CASP6: variants seen among roughly 807,000 people sequenced by gnomAD.
CASP6 encodes the protein caspase-6.
CASP6 carries 20 observed loss-of-function variants against 31.8 expected under a neutral mutation model. That is an observed-to-expected ratio of 0.63 (90% CI 0.44 to 0.91). CASP6 has a LOEUF of 0.91. Ranked by LOEUF, CASP6 falls within the 40% of genes least tolerant of loss-of-function variation. CASP6 has a pLI of 0.00. For synonymous variants in CASP6, 130 were observed against 127.8 expected (o/e 1.02, Z -0.12); for missense variants, 328 against 361.1 (o/e 0.91, Z 0.74).
intron 6 of CASP6, among the ~76,000 whole-genome samples, chr4:109,690,618 A>G (rs1730019452): frequency 6.6e-6 from 1 of 152,198 alleles, no homozygotes; most frequent in South Asian, 2.1e-4. Context: ...AATATAATTA[A>G]TTAGACTGTT....
At chr4:109,694,768 AGT>A (rs1491543891) in intron 4 of CASP6, 68 bp from the exon 5 acceptor site, 1 of 1,373,790 alleles carries the variant, frequency 7.3e-7, no homozygotes, top group Admixed American at 2.7e-5. Flanking sequence ...ATAAAAATTC[AGT>A]TTATTAACAC....
intron 5 of CASP6, chr4:109,692,130 AAAAT>A (rs374950436): frequency 6.6e-6 from 1 of 152,356 alleles, no homozygotes; most frequent in African/African-American, 2.4e-5. Context: ...TTCAAATCAT[AAAAT>A]AAATAGAAAA....
At chr4:109,681,700 C>G in the CASP6 span, among the ~76,000 whole-genome samples, 2 of 152,334 alleles carry the variant, frequency 1.3e-5, no homozygotes, top group South Asian at 4.1e-4. Flanking sequence ...AGCCTTTAGC[C>G]CGATCTGGAG....
At chr4:109,691,891 G>A (rs1191803642) in intron 5 of CASP6, 1 of 152,156 alleles carries the variant, frequency 6.6e-6, no homozygotes, top group South Asian at 2.1e-4. Flanking sequence ...CAAAAAGGGA[G>A]GCCTCAGAAG....
intron 1 of CASP6, among the ~76,000 whole-genome samples, chr4:109,700,582 ATTT>A (rs201776441): frequency 6.7e-6 from 1 of 150,116 alleles, no homozygotes; most frequent in African/African-American, 2.4e-5. Flanking sequence ...TCAGTGAGGG[ATTT>A]TTTTTTTAAG....
chr4:109,706,117 C>T (rs1354684787), upstream of CASP6, among the ~76,000 whole-genome samples: 2 of 84,510 alleles, frequency 2.4e-5, no homozygotes, highest in African/African-American at 9.2e-5. Context: ...GGCAGGACAA[C>T]ATACCTATCC....
At chr4:109,673,218 C>G in the CASP6 span, among the ~76,000 whole-genome samples, 1 of 152,210 alleles carries the variant, frequency 6.6e-6, no homozygotes, top group Non-Finnish European at 1.5e-5. Flanking sequence ...AGGTCTTTCA[C>G]TTGCTGTTCT....
downstream of CASP6, chr4:109,685,276 G>C: frequency 6.6e-7 from 1 of 1,514,152 alleles, no homozygotes; most frequent in South Asian, 1.1e-5. Flanking sequence ...GCTGTTAAGA[G>C]TAGGCAATTT....
intron 5 of CASP6, among the ~76,000 whole-genome samples, chr4:109,693,316 A>G (rs1730133751): frequency 6.6e-6 from 1 of 151,952 alleles, no homozygotes; most frequent in Admixed American, 6.6e-5. Context: ...AGACTAACAT[A>G]ATGTTATTTC....
chr4:109,686,539 C>T (rs1303564703), downstream of CASP6, among the ~76,000 whole-genome samples: 2 of 152,124 alleles, frequency 1.3e-5, no homozygotes, highest in African/African-American at 4.8e-5. Context: ...TTTGAATAAT[C>T]CTATCTGAGA....
At chr4:109,670,372 A>G in the CASP6 span, among the ~76,000 whole-genome samples, 33 of 152,112 alleles carry the variant, frequency 2.2e-4, no homozygotes, top group African/African-American at 7.2e-4. Flanking sequence ...TGAAATCCCA[A>G]TCGGTTAGGC....
the CASP6 span, among the ~76,000 whole-genome samples, chr4:109,669,690 C>T: frequency 2.0e-5 from 3 of 148,220 alleles, no homozygotes; most frequent in African/African-American, 7.6e-5. Context: ...CTTAGATGTT[C>T]TGTTCTGGTT....
upstream of CASP6, among the ~76,000 whole-genome samples, chr4:109,704,312 G>A (rs1730532758): frequency 6.6e-6 from 1 of 152,138 alleles, no homozygotes; most frequent in East Asian, 1.9e-4. Context: ...GTGCAAAGGA[G>A]AAAAGCCAAG....
chr4:109,703,274 C>T (rs1175858195), intron 1 of CASP6, 82 bp downstream of exon 1: 3 of 1,497,368 alleles, frequency 2.0e-6, no homozygotes, highest in East Asian at 4.9e-5. Flanking sequence ...GGTCCGCGCG[C>T]CCGGTCCACT....
the CASP6 span, among the ~76,000 whole-genome samples, chr4:109,678,743 ACGGGGCGGC>A: frequency 7.6e-6 from 1 of 130,892 alleles, no homozygotes; most frequent in Non-Finnish European, 1.6e-5. Context: ...CACATCCCAG[ACGGGGCGGC>A]CGGGCAGAGG....
chr4:109,681,524 T>C, the CASP6 span: 1 of 440,386 alleles, frequency 2.3e-6, no homozygotes, highest in Non-Finnish European at 4.5e-6. Flanking sequence ...TTCTCTGACC[T>C]GGGGTTCTTG....
the CASP6 span, among the ~76,000 whole-genome samples, chr4:109,680,311 T>TA: frequency 6.6e-6 from 1 of 152,198 alleles, no homozygotes; most frequent in African/African-American, 2.4e-5. Context: ...CCAGTAACAT[T>TA]AACCAACTAT....
chr4:109,695,082 C>T (rs1377389050), intron 4 of CASP6, among the ~76,000 whole-genome samples: 1 of 152,172 alleles, frequency 6.6e-6, no homozygotes, highest in African/African-American at 2.4e-5. Flanking sequence ...CACCTCGCCT[C>T]AGCCTCCCAA....
chr4:109,665,186 AC>A, the CASP6 span, among the ~76,000 whole-genome samples: 1 of 152,228 alleles, frequency 6.6e-6, no homozygotes, highest in African/African-American at 2.4e-5. Context: ...CAAATGTAGA[AC>A]TACATGTATT....
Sources: gnomAD v4.1 joint callset for allele counts (sites outside exome capture counted in the v4.1 genomes callset) on GRCh38, gnomAD v4.1.1 for gene constraint, MANE v1.5 for transcripts, NCBI Gene and HGNC (gene_info 2026-07-23, HGNC 2026-07-21) for gene names.